WDR36: variants seen among roughly 807,000 people sequenced by gnomAD.
WDR36 encodes WD repeat domain 36.
WDR36 carries 63 observed loss-of-function variants against 112.7 expected under a neutral mutation model. The observed-to-expected ratio is 0.56, with a 90% CI of 0.46 to 0.69. The LOEUF is 0.69. Ranked by LOEUF, WDR36 falls within the 30% of genes least tolerant of loss-of-function variation. The pLI is 0.00. For synonymous variants in WDR36, 410 were observed against 362.2 expected, an observed-to-expected ratio of 1.13 and a Z score of -1.50; for missense variants, 1,226 against 1,070.3, an observed-to-expected ratio of 1.15 and a Z score of -2.03.
At position 111,092,735 on chromosome 5, in the gene WDR36, C is replaced by T. The variant is rs1274615567; in HGVS notation, c.162+117C>T. 50 of 1,210,586 alleles carry T rather than the reference C, an allele frequency of 4.1e-5. 1 individual carries two copies. In the South Asian group the frequency reaches 6.1e-4, roughly 15 times the overall value. The allele number at this position is 1,210,586 out of a possible 1,614,324, so 75.0% of individuals were successfully genotyped here. A position where few individuals can be genotyped will look rare whatever the true frequency, so the allele number is the denominator to read the frequency against. On this transcript the variant is annotated intron_variant, in intron 1 of 22. Transcript: ENST00000513710. The stretch of plus-strand genomic sequence containing the variant: ...ACCACGGGCTTCCCTTCTTTAACCC[C>T]TCCCTGTCCTATTAATATTTCGCCA...
At position 111,113,142 on chromosome 5, in the gene WDR36, T is replaced by C; in HGVS notation, c.1785T>C (p.Leu595=). 6.3e-7 allele frequency: 1 copy of C among 1,586,778 alleles called. No homozygotes were observed. The change falls in exon 16 of 23, where the codon CTT becomes CTC. Residue 595 remains leucine, a synonymous_variant. Coordinates refer to ENST00000513710, the MANE Select transcript of WDR36 (RefSeq NM_139281.3). ...ATTGCTCTATTAGGACTTGGGACCT[T>C]CCTTCTGGGTGGTAAGTTTATATTT... ...AMDCSIRTWD[L]PSGCLIDCFL...
intron 3 of WDR36, 76 bp from the exon 4 acceptor site, chr5:111,098,646 T>C: frequency 2.0e-6 from 2 of 992,240 alleles, no homozygotes; most frequent in Middle Eastern, 2.3e-4. Flanking sequence ...GATTAGCATG[T>C]TTTTGGGATA....
In WDR36 at chr5:111,127,028, C is replaced by G; in HGVS notation, c.*145C>G. ...ATATCTCCACTTTAAATGCTAAATA[C>G]TTTCTTGAAATAAAATCGCACCTCC... On this transcript the variant is annotated 3_prime_UTR_variant, in exon 23 of 23. Coordinates refer to ENST00000513710, the MANE Select transcript of WDR36 (RefSeq NM_139281.3). The G allele has an allele frequency of 2.5e-6, 2 of 802,524 alleles. No individual in the cohort carries two copies. The highest frequency in any genetic ancestry group is 3.6e-5 in the African/African-American group (2 of 56,114). The allele number at this position is 802,524 out of a possible 1,614,324, so 49.7% of individuals were successfully genotyped here. A position where few individuals can be genotyped will look rare whatever the true frequency, so the allele number is the denominator to read the frequency against.
chr5:111,092,400 C>A lies in WDR36; in HGVS notation c.-57C>A. 6.2e-7 allele frequency: 1 copy of A among 1,614,252 alleles called. No homozygotes were observed. Among genetic ancestry groups the A allele is most frequent in the Non-Finnish European group, 8.5e-7 (1 of 1,180,052 alleles). On this transcript the variant is annotated 5_prime_UTR_variant, in exon 1 of 23. The change creates a new upstream start codon in the 5' untranslated region. Transcript: ENST00000513710. ...TGTTCCACTAGACACGCTGAAGGGA[C>A]TGGGTACGTGTTTTCCTTCAGGACC...
rs187589989 is a variant in WDR36 at position 111,122,465 on chromosome 5, T to C, written c.2148+1324T>C. Among the ~76,000 whole-genome samples the C allele has an allele frequency of 2.1e-3, 319 of 152,340 alleles. 3 individuals carry two copies. The highest frequency in any genetic ancestry group is 8.4e-3 in the Admixed American group (128 of 15,306). On this transcript the variant is annotated intron_variant, in intron 19 of 22. Coordinates refer to ENST00000513710, the MANE Select transcript of WDR36 (RefSeq NM_139281.3). ...AGTTTACATTTGTCCTGTGGATAAC[T>C]TCTATTTTTGCTTTTCTTTATAAGA...
At chr5:111,100,788 A>C in intron 5 of WDR36, 67 bp downstream of exon 5, 3 of 1,486,830 alleles carry the variant, frequency 2.0e-6, no homozygotes, top group Non-Finnish European at 2.8e-6. Flanking sequence ...CCTAATGTAT[A>C]CTTAAGTCTC....
At position 111,092,362 on chromosome 5, in the gene WDR36, T is replaced by C. The variant is rs145437203; in HGVS notation, c.-95T>C. 14,958 of 1,614,214 alleles carry C rather than the reference T, an allele frequency of 9.3e-3. 91 individuals carry two copies. The highest frequency in any genetic ancestry group is 0.011 in the Non-Finnish European group (12,560 of 1,180,050). On this transcript the variant is annotated 5_prime_UTR_variant, in exon 1 of 23. Coordinates refer to ENST00000513710, the MANE Select transcript of WDR36 (RefSeq NM_139281.3). Reference sequence around the variant, plus strand: ...CCGGAAGCGGTGTTGTGTCTGCAGCTCTGGCAGAGGACTGTTCCACTAGAC... The same window carrying C: ...CCGGAAGCGGTGTTGTGTCTGCAGCCCTGGCAGAGGACTGTTCCACTAGAC...
intron 6 of WDR36, 101 bp from the exon 7 acceptor site, chr5:111,103,685 T>A: frequency 8.9e-6 from 13 of 1,458,560 alleles, no homozygotes; most frequent in Non-Finnish European, 1.1e-5. Context: ...AGAAGATACT[T>A]CATTATTTCT....
chr5:111,122,126 G>A (rs919403509), intron 19 of WDR36, among the ~76,000 whole-genome samples: 2 of 152,202 alleles, frequency 1.3e-5, no homozygotes, highest in Non-Finnish European at 2.9e-5. Flanking sequence ...GCATAAAGGT[G>A]TGCTGTCTAG....
chr5:111,104,833 A>C lies in WDR36; in HGVS notation c.1027+16A>C, dbSNP rs771297416. 2.5e-6 allele frequency: 4 copies of C among 1,610,290 alleles called. No homozygotes were observed. The highest frequency in any genetic ancestry group is 3.4e-6 in the Non-Finnish European group (4 of 1,177,222). ...CTAAGTGCAAGTGAGCTTCTGCTTC[A>C]TACTATTAGTTTATTTCAGCAAGTA... is the stretch of plus-strand genomic sequence containing the variant. On this transcript the variant is annotated intron_variant, in intron 9 of 22. Transcript: ENST00000513710.
intron 8 of WDR36, 142 bp downstream of exon 8, chr5:111,104,494 C>G (rs1293728696): frequency 7.1e-7 from 1 of 1,402,994 alleles, no homozygotes; most frequent in Admixed American, 1.7e-5. Flanking sequence ...AAACAAAAAG[C>G]ACAGCAGGTG....
Position 111,124,125 on chromosome 5 carries a change from T to A in WDR36, c.2286T>A (p.Leu762=). The A allele has an allele frequency of 6.2e-7, 1 of 1,613,096 alleles. No individual in the cohort carries two copies. The highest frequency in any genetic ancestry group is 8.5e-7 in the Non-Finnish European group (1 of 1,179,584). ...NDPQQSKVVN[L]GVLAQKSDFC... ...TGTTTAAGTCTAAAGTGGTAAATCTTGGAGTTTTGGCTCAAAAATCAGATT... is the reference window on the plus strand; with the variant it reads ...TGTTTAAGTCTAAAGTGGTAAATCTAGGAGTTTTGGCTCAAAAATCAGATT... The change falls in exon 21 of 23, where the codon CTT becomes CTA. Residue 762 remains leucine (L), a synonymous_variant. Coordinates refer to ENST00000513710, the MANE Select transcript of WDR36 (RefSeq NM_139281.3).
At position 111,098,771 on chromosome 5, in the gene WDR36, C is replaced by T. The variant is rs1175463381; in HGVS notation, c.341C>T (p.Pro114Leu). The T allele has an allele frequency of 3.7e-6, 6 of 1,612,774 alleles. No individual in the cohort carries two copies. The highest frequency in any genetic ancestry group is 5.1e-6 in the Non-Finnish European group (6 of 1,179,152). The change falls in exon 4 of 23, where the codon CCC becomes CTC. Residue 114 changes from proline (P) to leucine (L), a missense_variant. Pro to Leu is a moderately conservative substitution (Grantham distance 98, BLOSUM62 -3). Transcript: ENST00000513710. Reference sequence around the variant, plus strand: ...AAGGCAGAAATCCATTTCTTGCAACCCTTTGGAGACCACATTATCTCTGTT... The same window carrying T: ...AAGGCAGAAATCCATTTCTTGCAACTCTTTGGAGACCACATTATCTCTGTT... ...GHKAEIHFLQ[P>L]FGDHIISVDT...
intron 12 of WDR36, among the ~76,000 whole-genome samples, chr5:111,108,633 T>TA (rs1753265698): frequency 6.6e-6 from 1 of 151,438 alleles, no homozygotes; most frequent in Non-Finnish European, 1.5e-5. Context: ...TTCTGTGTGA[T>TA]TACTTTGTTC....
At chr5:111,095,047 C>T in intron 2 of WDR36, 100 bp downstream of exon 2, 1 of 1,088,384 alleles carries the variant, frequency 9.2e-7, no homozygotes. Context: ...GCCAAGGTAA[C>T]ATGTATGTCT....
At chr5:111,116,024 C>G (rs573860198) in intron 16 of WDR36, among the ~76,000 whole-genome samples, 1 of 152,074 alleles carries the variant, frequency 6.6e-6, no homozygotes, top group South Asian at 2.1e-4. Context: ...CTCAGTGCAA[C>G]CACCGTCTCC....
At chr5:111,114,217 T>G (rs1306846351) in intron 16 of WDR36, among the ~76,000 whole-genome samples, 1 of 152,128 alleles carries the variant, frequency 6.6e-6, no homozygotes, top group Non-Finnish European at 1.5e-5. Context: ...TCATTTAACA[T>G]AGGATTGCTT....
At position 111,129,969 on chromosome 5, in the gene WDR36, CATT is replaced by C. The variant is rs1375701879; in HGVS notation, c.*3089_*3091del. ...ATATGTCTGATTTGAAATGCTGTTT[CATT>C]ATGTGTTAAATTCTTTCACTGAGCT... On this transcript the variant is annotated 3_prime_UTR_variant, in exon 23 of 23. Transcript: ENST00000513710. 1 of 210,988 alleles carries C rather than the reference CATT, an allele frequency of 4.7e-6. No homozygotes were observed. Among genetic ancestry groups the C allele is most frequent in the Non-Finnish European group, 9.6e-6 (1 of 104,176 alleles). 13.1% of individuals were successfully genotyped at this position (210,988 alleles called of 1,614,324 possible).
In WDR36 at chr5:111,111,160, A is replaced by G. The variant is rs780102272; in HGVS notation, c.1608-10A>G. 14 of 1,610,742 alleles carry G rather than the reference A, an allele frequency of 8.7e-6. No homozygotes were observed. In the African/African-American group the frequency reaches 1.7e-4, roughly 20 times the overall value. ...TTTGTTTATTAAAACTGGTGCATTT[A>G]TCTTGCTAGTGGCATTCTGGGACTC... On this transcript the variant is annotated splice_polypyrimidine_tract_variant and intron_variant, in intron 14 of 22. Coordinates refer to ENST00000513710, the MANE Select transcript of WDR36 (RefSeq NM_139281.3).
Sources: gnomAD v4.1 joint callset for allele counts (sites outside exome capture counted in the v4.1 genomes callset) on GRCh38, gnomAD v4.1.1 for gene constraint, MANE v1.5 for transcripts, NCBI Gene and HGNC (gene_info 2026-07-23, HGNC 2026-07-21) for gene names.